The following ATF1 variants were observed in gnomAD, a reference collection of about 807,000 sequenced individuals.
ATF1 encodes cyclic AMP-dependent transcription factor ATF-1.
In ATF1, 16 loss-of-function variants were observed where a neutral mutation model predicts 34.7. The observed-to-expected ratio is 0.46, with a 90% CI of 0.31 to 0.70. ATF1 has a LOEUF of 0.70. ATF1 is among the 30% of genes least tolerant of loss of function. ATF1 has a pLI of 0.05. For synonymous variants in ATF1, 105 were observed against 113.1 expected (o/e 0.93, Z 0.46); for missense variants, 255 against 321.6 (o/e 0.79, Z 1.58).
At chr12:50,807,078 T>C (rs981003941) in intron 3 of ATF1, among the ~76,000 whole-genome samples, 7 of 152,194 alleles carry the variant, frequency 4.6e-5, no homozygotes, top group African/African-American at 1.7e-4. Context: ...GTAGCAATTA[T>C]CAAATATCGC....
intron 4 of ATF1, among the ~76,000 whole-genome samples, chr12:50,813,005 A>G (rs1175766517): frequency 6.6e-6 from 1 of 152,222 alleles, no homozygotes; most frequent in Non-Finnish European, 1.5e-5. Context: ...ATAAAAGGAA[A>G]AAAAAATGTT....
At chr12:50,781,303 G>C (rs1941055528) in intron 2 of ATF1, among the ~76,000 whole-genome samples, 1 of 152,098 alleles carries the variant, frequency 6.6e-6, no homozygotes, top group Non-Finnish European at 1.5e-5. Flanking sequence ...TATATGACAA[G>C]AAAAACAGTC....
chr12:50,783,828 C>T (rs957698013), intron 2 of ATF1, among the ~76,000 whole-genome samples: 9 of 145,940 alleles, frequency 6.2e-5, no homozygotes, highest in Non-Finnish European at 1.0e-4. Context: ...GATCATACCA[C>T]TGTACTCCAG....
intron 1 of ATF1, among the ~76,000 whole-genome samples, chr12:50,764,818 G>A (rs1258703377): frequency 6.6e-6 from 1 of 152,240 alleles, no homozygotes; most frequent in Non-Finnish European, 1.5e-5. Context: ...GCAGTCTAGC[G>A]GGCAACCGAC....
intron 3 of ATF1, among the ~76,000 whole-genome samples, chr12:50,807,050 C>G (rs952056022): frequency 1.3e-5 from 2 of 152,104 alleles, no homozygotes; most frequent in African/African-American, 4.8e-5. Flanking sequence ...AGTATTTGGC[C>G]TAGAATAAGG....
At chr12:50,819,507 G>A (rs1211257447) in intron 6 of ATF1, 128 bp from the exon 7 acceptor site, 6 of 1,039,496 alleles carry the variant, frequency 5.8e-6, no homozygotes, top group Non-Finnish European at 8.4e-6. Context: ...TAAGATCTAT[G>A]TATTCTCTGT....
At chr12:50,819,610 T>C (rs747746672) in intron 6 of ATF1, 25 bp from the exon 7 acceptor site, 7 of 1,603,668 alleles carry the variant, frequency 4.4e-6, no homozygotes, top group Middle Eastern at 1.8e-4. Context: ...TTTTCTAACA[T>C]TGTTTTTTTA....
chr12:50,810,691 T>G (rs1167594554), intron 4 of ATF1, among the ~76,000 whole-genome samples: 1 of 152,020 alleles, frequency 6.6e-6, no homozygotes, highest in Non-Finnish European at 1.5e-5. Context: ...ATTTGTTATC[T>G]CCCCCTCCAC....
At chr12:50,795,407 C>T (rs538606116) in intron 2 of ATF1, among the ~76,000 whole-genome samples, 2 of 152,294 alleles carry the variant, frequency 1.3e-5, no homozygotes, top group South Asian at 4.1e-4. Flanking sequence ...AGTCTCATGG[C>T]TTTAAGGACT....
chr12:50,807,362 C>T (rs546014732), intron 3 of ATF1, among the ~76,000 whole-genome samples: 377 of 151,966 alleles, frequency 2.5e-3, no homozygotes, highest in Non-Finnish European at 2.8e-3. Context: ...CATGATCATG[C>T]CACTGTACTC....
At chr12:50,802,101 A>G (rs1941522971) in intron 3 of ATF1, among the ~76,000 whole-genome samples, 1 of 152,384 alleles carries the variant, frequency 6.6e-6, no homozygotes, top group Non-Finnish European at 1.5e-5. Context: ...ATTTCCATAT[A>G]CTAGCAATGA....
In ATF1 at chr12:50,780,185, C is replaced by A. The variant is rs770276530; in HGVS notation, c.40C>A (p.Pro14Thr). The A allele has an allele frequency of 3.1e-6, 5 of 1,613,922 alleles. No individual in the cohort carries two copies. The Admixed American group carries it at 8.3e-5, about 27-fold the overall frequency. ...CAAGAGTACCACGTCAGAGACAGCA[C>A]CTCAACCTGGTTCAGCAGTTCAGGG... ...SHKSTTSETA[P>T]QPGSAVQGAH... The change falls in exon 2 of 7, where the codon CCT becomes ACT. Residue 14 changes from proline to threonine, a missense_variant. Pro to Thr is a conservative substitution (Grantham distance 38, BLOSUM62 -1). Around this residue, in one of 2 missense-constraint regions of ATF1, gnomAD observed 221 missense variants for 250.7 expected, o/e 0.88. Transcript: ENST00000262053.
intron 3 of ATF1, 78 bp from the exon 4 acceptor site, chr12:50,809,373 CAAAAA>C (rs56060219): frequency 1.1e-3 from 818 of 757,098 alleles, no homozygotes; most frequent in South Asian, 1.7e-3. Flanking sequence ...GATCTTGTCT[CAAAAA>C]AAAAAAAAAA....
intron 2 of ATF1, among the ~76,000 whole-genome samples, chr12:50,794,553 ATAC>A (rs1419343849): frequency 1.3e-5 from 2 of 151,652 alleles, no homozygotes; most frequent in African/African-American, 4.8e-5. Flanking sequence ...CGACACAGTG[ATAC>A]TCCATCTCAA....
chr12:50,812,825 A>G (rs892343550), intron 4 of ATF1, among the ~76,000 whole-genome samples: 2 of 152,040 alleles, frequency 1.3e-5, no homozygotes, highest in Admixed American at 6.6e-5. Context: ...CCCTGTCTCA[A>G]AAAAAATAGC....
Position 50,795,258 on chromosome 12 carries a change from T to C in ATF1, c.94-651T>C, listed in dbSNP as rs983668255. Reference sequence around the variant, plus strand: ...GTATGCTGTCTTCACTAGTTTTCCATGGACAGCTCAATCATTTGGTTCTCT... The same window carrying C: ...GTATGCTGTCTTCACTAGTTTTCCACGGACAGCTCAATCATTTGGTTCTCT... On this transcript the variant is annotated intron_variant, in intron 2 of 6. Transcript: ENST00000262053. Among the ~76,000 whole-genome samples the C allele has an allele frequency of 3.3e-5, 5 of 152,326 alleles. No individual in the cohort carries two copies. In the South Asian group the frequency reaches 1.0e-3, roughly 32 times the overall value.
chr12:50,784,046 C>A (rs897394535), intron 2 of ATF1, among the ~76,000 whole-genome samples: 5 of 151,578 alleles, frequency 3.3e-5, no homozygotes, highest in Non-Finnish European at 7.4e-5. Flanking sequence ...GTCTGCAGTC[C>A]CAACTACTCA....
intron 2 of ATF1, among the ~76,000 whole-genome samples, chr12:50,783,020 T>G (rs1480728369): frequency 6.6e-6 from 1 of 152,080 alleles, no homozygotes; most frequent in African/African-American, 2.4e-5. Context: ...AAGCCAGATA[T>G]TAAGGAAATT....
chr12:50,788,189 T>G (rs1941225438), intron 2 of ATF1: 1 of 281,062 alleles, frequency 3.6e-6, no homozygotes, highest in Non-Finnish European at 7.3e-6. Flanking sequence ...TAGCCAATCT[T>G]TTTTTTTTTT....
Sources: allele counts gnomAD v4.1 joint callset (sites outside exome capture counted in the v4.1 genomes callset), GRCh38; gene constraint gnomAD v4.1.1; regional missense constraint gnomAD v4.1.1; transcripts MANE v1.5; gene names NCBI Gene and HGNC (gene_info 2026-07-23, HGNC 2026-07-21).